HELZ: variants seen among roughly 807,000 people sequenced by gnomAD.
The protein encoded by HELZ is ATP-dependent RNA helicase with zinc finger domain.
Under a neutral mutation model 218.2 loss-of-function variants are expected in HELZ, and 23 were observed. The ratio of observed to expected loss-of-function variants is 0.11; its 90% CI spans 0.08 to 0.15. HELZ has a LOEUF of 0.15. HELZ is among the 10% of genes least tolerant of loss of function. The probability of loss-of-function intolerance (pLI) is 1.00; values close to 1 mark genes in which losing one functional copy is unlikely to be tolerated. For missense variants in HELZ, 1,813 were observed against 2,353.7 expected (o/e 0.77, Z 4.75); for synonymous variants, 814 against 829.4 (o/e 0.98, Z 0.32).
intron 1 of HELZ, 57 bp downstream of exon 1, chr17:67,245,091 G>A: frequency 1.0e-6 from 1 of 984,818 alleles, no homozygotes; most frequent in Non-Finnish European, 1.2e-6. Context: ...TCCCCGGAGA[G>A]CTCCGGGAGC....
rs1008339899 is a variant in HELZ, at chr17:67,076,453, C to T, written c.*1799G>A. 4.6e-5 allele frequency: 7 copies of T among 152,224 alleles called. No individual in the cohort carries two copies. Among genetic ancestry groups the T allele is most frequent in the East Asian group, 1.9e-4 (1 of 5,200 alleles). The allele number at this position is 152,224 out of a possible 1,614,324, so 9.4% of individuals were successfully genotyped here. On this transcript the variant is annotated 3_prime_UTR_variant, in exon 33 of 33. Transcript: ENST00000358691. ...CTGTGATTTATGCTAACCATTAACACGTCTGCAGTTTACAAGTCTATGTCT... is the reference window on the plus strand; with the variant it reads ...CTGTGATTTATGCTAACCATTAACATGTCTGCAGTTTACAAGTCTATGTCT...
chr17:67,090,639 T>C (rs753166449), intron 31 of HELZ, among the ~76,000 whole-genome samples: 1 of 152,160 alleles, frequency 6.6e-6, no homozygotes, highest in African/African-American at 2.4e-5. Context: ...TGGTTCATTT[T>C]ATCTATGTTG....
At chr17:67,245,005 G>C (rs900690812) in intron 1 of HELZ, 143 bp downstream of exon 1, 44 of 985,528 alleles carry the variant, frequency 4.5e-5, no homozygotes, top group Non-Finnish European at 5.3e-5. Flanking sequence ...GCCCAGCCGC[G>C]GGCCGCCCAG....
At chr17:67,212,646 T>C (rs537394792) in intron 5 of HELZ, among the ~76,000 whole-genome samples, 1 of 152,220 alleles carries the variant, frequency 6.6e-6, no homozygotes, top group Non-Finnish European at 1.5e-5. Context: ...ATATACTGCT[T>C]TTGGATTTAT....
At chr17:67,214,518 G>C (rs904497478) in intron 5 of HELZ, among the ~76,000 whole-genome samples, 1 of 150,914 alleles carries the variant, frequency 6.6e-6, no homozygotes, top group Non-Finnish European at 1.5e-5. Flanking sequence ...CACCCACCTC[G>C]GCCTCCCCAA....
chr17:67,202,987 T>C (rs138113462), intron 6 of HELZ, among the ~76,000 whole-genome samples: 174 of 152,038 alleles, frequency 1.1e-3, no homozygotes, highest in Non-Finnish European at 2.0e-3. Context: ...GCAGGGATGG[T>C]AGTGCGCATC....
chr17:67,082,872 T>G (rs1322404077), intron 32 of HELZ, among the ~76,000 whole-genome samples: 2 of 150,238 alleles, frequency 1.3e-5, no homozygotes, highest in Non-Finnish European at 3.0e-5. Context: ...TTTTTTTTTT[T>G]TTGAGATGGA....
At chr17:67,244,650 C>A (rs2041422775) in intron 1 of HELZ, 1 of 969,948 alleles carries the variant, frequency 1.0e-6, no homozygotes. Context: ...GGGGCGCACG[C>A]CTGACCCACT....
intron 3 of HELZ, chr17:67,225,024 C>A (rs911577614): frequency 6.4e-5 from 43 of 671,542 alleles, no homozygotes; most frequent in Middle Eastern, 4.3e-4. Context: ...GAGAAAGGGT[C>A]AAGTGATCCA....
At chr17:67,221,760 G>A (rs1356740639) in intron 3 of HELZ, among the ~76,000 whole-genome samples, 1 of 151,830 alleles carries the variant, frequency 6.6e-6, no homozygotes, top group African/African-American at 2.4e-5. Context: ...TGCTCAATAA[G>A]TGTTAGCTAT....
intron 12 of HELZ, 70 bp from the exon 13 acceptor site, chr17:67,178,996 T>C (rs1304767844): frequency 1.0e-6 from 1 of 989,026 alleles, no homozygotes; most frequent in Non-Finnish European, 1.5e-6. Context: ...ATTAAAATTC[T>C]TAACTATATT....
chr17:67,151,329 G>T, intron 17 of HELZ, 105 bp from the exon 18 acceptor site: 1 of 914,830 alleles, frequency 1.1e-6, no homozygotes, highest in Non-Finnish European at 1.7e-6. Flanking sequence ...TATCTGAAAA[G>T]TTACAAATGA....
At chr17:67,241,301 G>A (rs564817540) in intron 2 of HELZ, among the ~76,000 whole-genome samples, 87 of 152,252 alleles carry the variant, frequency 5.7e-4, no homozygotes, top group African/African-American at 1.0e-3. Context: ...CACCTGGCCC[G>A]AAATCTTCTA....
In HELZ at chr17:67,205,996, G is replaced by A. The variant is rs537734978; in HGVS notation, c.248-2553C>T. ...TAAAAACCTCTCCTGCTACTGTATCGTATAACAAAATTAAATTGCAATGCT... is the reference window on the plus strand; with the variant it reads ...TAAAAACCTCTCCTGCTACTGTATCATATAACAAAATTAAATTGCAATGCT... On this transcript the variant is annotated intron_variant, in intron 5 of 32. Coordinates refer to ENST00000358691, the MANE Select transcript of HELZ (RefSeq NM_014877.4). Among the ~76,000 whole-genome samples, 8 of 152,204 alleles carry A rather than the reference G, an allele frequency of 5.3e-5. No individual in the cohort carries two copies. In the East Asian group the frequency reaches 7.7e-4, roughly 15 times the overall value.
chr17:67,222,171 C>G (rs770474369), intron 3 of HELZ, among the ~76,000 whole-genome samples: 6 of 152,122 alleles, frequency 3.9e-5, no homozygotes, highest in Non-Finnish European at 7.4e-5. Context: ...TTACTGATCT[C>G]AACATACAAT....
chr17:67,169,456 T>C (rs2144165655), intron 13 of HELZ, among the ~76,000 whole-genome samples: 1 of 152,220 alleles, frequency 6.6e-6, no homozygotes, highest in South Asian at 2.1e-4. Flanking sequence ...CTGAATTCAC[T>C]CTTCTAACAG....
chr17:67,107,473 T>C lies in HELZ; in HGVS notation c.4937A>G (p.Asn1646Ser). The C allele has an allele frequency of 1.2e-6, 2 of 1,614,156 alleles. No individual in the cohort carries two copies. The highest frequency in any genetic ancestry group is 1.7e-5 in the Admixed American group (1 of 60,026). The change falls in exon 31 of 33, where the codon AAC (asparagine) becomes AGC (serine). Residue 1646 changes from asparagine (N) to serine (S), a missense_variant. Coordinates refer to ENST00000358691, the MANE Select transcript of HELZ (RefSeq NM_014877.4). ...TGGGAGGCGCTGTGGAAATGCTGGGTTGCTGGCTACTTCAATGTCTCTGCT... is the reference window on the plus strand; with the variant it reads ...TGGGAGGCGCTGTGGAAATGCTGGGCTGCTGGCTACTTCAATGTCTCTGCT... ...DNSRDIEVASNPAFPQRLPPQ... is the reference protein window; with the variant it reads ...DNSRDIEVASSPAFPQRLPPQ...
rs2036014325 is a variant in HELZ, at chr17:67,076,199, G to A, written c.*2053C>T. On this transcript the variant is annotated 3_prime_UTR_variant, in exon 33 of 33. Coordinates refer to ENST00000358691, the MANE Select transcript of HELZ (RefSeq NM_014877.4). The stretch of plus-strand genomic sequence containing the variant: ...GGGGGCTGGGGGGTGGATAATCACT[G>A]ATGGGAAAATTATTTTCCATAACAT... 6.6e-6 allele frequency: 1 copy of A among 152,210 alleles called. No individual in the cohort carries two copies. Among genetic ancestry groups the A allele is most frequent in the East Asian group, 1.9e-4 (1 of 5,190 alleles). The allele number at this position is 152,210 out of a possible 1,614,324, so 9.4% of individuals were successfully genotyped here.
At chr17:67,183,151 C>G (rs764483498) in intron 12 of HELZ, among the ~76,000 whole-genome samples, 3 of 152,170 alleles carry the variant, frequency 2.0e-5, no homozygotes, top group Non-Finnish European at 2.9e-5. Flanking sequence ...CAAATCTTGA[C>G]TGCCCAAATT....
Sources: gnomAD v4.1 joint callset for allele counts (sites outside exome capture counted in the v4.1 genomes callset) on GRCh38, gnomAD v4.1.1 for gene constraint, MANE v1.5 for transcripts, NCBI Gene and HGNC (gene_info 2026-07-23, HGNC 2026-07-21) for gene names.